Variants in KCNIP4 observed in about 807,000 individuals in gnomAD.
KCNIP4 encodes potassium voltage-gated channel interacting protein 4, also known as Kv channel-interacting protein 4.
KCNIP4 carries 12 observed loss-of-function variants against 34.0 expected under a neutral mutation model. That is an observed-to-expected ratio of 0.35 (90% CI 0.23 to 0.57). KCNIP4 has a LOEUF of 0.57. Ranked by LOEUF, KCNIP4 falls within the 20% of genes least tolerant of loss-of-function variation. The probability of loss-of-function intolerance (pLI) is 0.83; values close to 1 mark genes in which losing one functional copy is unlikely to be tolerated. For missense variants in KCNIP4, 238 were observed against 311.7 expected, an observed-to-expected ratio of 0.76 and a Z score of 1.78; for synonymous variants, 124 against 102.2, an observed-to-expected ratio of 1.21 and a Z score of -1.29.
At chr4:20,798,480 T>G (rs1713773601) in intron 3 of KCNIP4, among the ~76,000 whole-genome samples, 1 of 151,752 alleles carries the variant, frequency 6.6e-6, no homozygotes, top group Non-Finnish European at 1.5e-5. Context: ...TAGAAGCTCC[T>G]AGCATCCTTC....
chr4:21,704,780 T>C (rs945906752), intron 1 of KCNIP4, among the ~76,000 whole-genome samples: 1 of 152,150 alleles, frequency 6.6e-6, no homozygotes, highest in African/African-American at 2.4e-5. Flanking sequence ...TGTAAAATGT[T>C]ACATTCACTC....
rs567011406 is a variant in KCNIP4, at chr4:21,316,692, G to T, written c.62-433983C>A. Reference sequence around the variant, plus strand: ...GTACAGAAGCTTAACCAGCAAAATAGCTAGCTAGTTGAACTGGAAAATCCA... The same window carrying T: ...GTACAGAAGCTTAACCAGCAAAATATCTAGCTAGTTGAACTGGAAAATCCA... On this transcript the variant is annotated intron_variant, in intron 1 of 8. Transcript: ENST00000382152. 2.6e-5 allele frequency among the ~76,000 whole-genome samples: 4 copies of T among 152,306 alleles called. No homozygotes were observed. In the South Asian group the frequency reaches 8.3e-4, roughly 32 times the overall value.
Position 21,691,979 on chromosome 4 carries a change from T to C in KCNIP4, c.61+256592A>G, listed in dbSNP as rs567873940. 3.2e-3 allele frequency among the ~76,000 whole-genome samples: 487 copies of C among 152,242 alleles called. 6 individuals are homozygous for C. The highest frequency in any genetic ancestry group is 0.011 in the African/African-American group (455 of 41,536). On this transcript the variant is annotated intron_variant, in intron 1 of 8. Coordinates refer to ENST00000382152, the MANE Select transcript of KCNIP4 (RefSeq NM_025221.6). ...TCCCAAAGTGCCGGGATTACAGGCG[T>C]GATCCACCGCACCAGGCCAAATGCA...
At chr4:21,185,340 C>T (rs1755134646) in intron 1 of KCNIP4, among the ~76,000 whole-genome samples, 1 of 151,684 alleles carries the variant, frequency 6.6e-6, no homozygotes, top group South Asian at 2.1e-4. Context: ...GAGTTTTCTT[C>T]CCCTCCTTTT....
intron 1 of KCNIP4, among the ~76,000 whole-genome samples, chr4:21,798,651 A>T (rs1444038159): frequency 6.6e-6 from 1 of 151,830 alleles, no homozygotes; most frequent in African/African-American, 2.4e-5. Flanking sequence ...TGAGAAAAAA[A>T]TAAGCTGTTA....
intron 3 of KCNIP4, among the ~76,000 whole-genome samples, chr4:20,845,245 A>T (rs1269688748): frequency 1.3e-5 from 2 of 152,144 alleles, no homozygotes; most frequent in Non-Finnish European, 2.9e-5. Flanking sequence ...AAAGTCTGGG[A>T]CAACAGGAAA....
intron 1 of KCNIP4, among the ~76,000 whole-genome samples, chr4:21,932,323 T>C (rs1474855447): frequency 2.0e-5 from 3 of 152,048 alleles, no homozygotes; most frequent in Non-Finnish European, 2.9e-5. Context: ...GTCTGATCCA[T>C]GAAGAAAAGT....
chr4:21,598,905 T>C (rs1369756019), intron 1 of KCNIP4, among the ~76,000 whole-genome samples: 1 of 152,038 alleles, frequency 6.6e-6, no homozygotes, highest in Non-Finnish European at 1.5e-5. Context: ...AGAGCCACAT[T>C]ATGACTCCTG....
chr4:21,376,222 C>A (rs565376816), intron 1 of KCNIP4, among the ~76,000 whole-genome samples: 17 of 152,252 alleles, frequency 1.1e-4, no homozygotes, highest in African/African-American at 3.4e-4. Context: ...ATAACACTTG[C>A]AAAATTTTGT....
intron 1 of KCNIP4, among the ~76,000 whole-genome samples, chr4:21,384,787 T>A (rs1721866322): frequency 6.6e-6 from 1 of 152,174 alleles, no homozygotes; most frequent in Non-Finnish European, 1.5e-5. Flanking sequence ...CACATCTACA[T>A]CACATAGAGA....
chr4:21,829,481 A>G (rs958658721), intron 1 of KCNIP4, among the ~76,000 whole-genome samples: 5 of 151,136 alleles, frequency 3.3e-5, no homozygotes, highest in Non-Finnish European at 5.9e-5. Context: ...TAGATTTTCC[A>G]AAAAAGTAGA....
At chr4:21,679,085 C>T (rs1560620626) in intron 1 of KCNIP4, among the ~76,000 whole-genome samples, 1 of 152,132 alleles carries the variant, frequency 6.6e-6, no homozygotes, top group African/African-American at 2.4e-5. Flanking sequence ...AGAAAAAAAT[C>T]CAACCTGCTC....
chr4:20,949,848 G>C (rs1296564455), intron 1 of KCNIP4, among the ~76,000 whole-genome samples: 1 of 132,914 alleles, frequency 7.5e-6, no homozygotes, highest in East Asian at 2.4e-4. Context: ...TCACACTCTG[G>C]GGACGGTTGG....
At chr4:21,150,593 T>C (rs561994474) in intron 1 of KCNIP4, among the ~76,000 whole-genome samples, 56 of 152,322 alleles carry the variant, frequency 3.7e-4, no homozygotes, top group African/African-American at 1.3e-3. Flanking sequence ...TTTATAAGCA[T>C]AAAGGGAGCA....
chr4:21,671,589 T>C lies in KCNIP4; in HGVS notation c.61+276982A>G, dbSNP rs555463698. On this transcript the variant is annotated intron_variant, in intron 1 of 8. Transcript: ENST00000382152. Reference sequence around the variant, plus strand: ...CATTTCAACTGTCATCAGAATCCAGTTTTTCTCTTGGCTATATACTTCATC... The same window carrying C: ...CATTTCAACTGTCATCAGAATCCAGCTTTTCTCTTGGCTATATACTTCATC... Among the ~76,000 whole-genome samples, 22 of 152,260 alleles carry C rather than the reference T, an allele frequency of 1.4e-4. No homozygotes were observed. In the South Asian group the frequency reaches 4.6e-3, roughly 32 times the overall value.
intron 1 of KCNIP4, among the ~76,000 whole-genome samples, chr4:21,708,356 T>G (rs558673744): frequency 3.9e-5 from 6 of 152,232 alleles, no homozygotes; most frequent in African/African-American, 1.2e-4. Context: ...GAATGCCTGT[T>G]TAAAATGCAG....
intron 1 of KCNIP4, among the ~76,000 whole-genome samples, chr4:21,446,578 G>T (rs1323682636): frequency 1.5e-5 from 2 of 135,056 alleles, no homozygotes; most frequent in Admixed American, 1.8e-4. Flanking sequence ...TGAACAATGA[G>T]AACACTTGGA....
At chr4:21,828,345 A>G (rs1306045156) in intron 1 of KCNIP4, among the ~76,000 whole-genome samples, 1 of 151,810 alleles carries the variant, frequency 6.6e-6, no homozygotes, top group Non-Finnish European at 1.5e-5. Flanking sequence ...AATATGAAAA[A>G]CTTAAGATAT....
At chr4:21,662,476 G>A (rs150909539) in intron 1 of KCNIP4, among the ~76,000 whole-genome samples, 6 of 152,258 alleles carry the variant, frequency 3.9e-5, no homozygotes, top group African/African-American at 1.4e-4. Context: ...AAACAGCATT[G>A]GAAATGCATA....
Sources: allele counts gnomAD v4.1 joint callset (sites outside exome capture counted in the v4.1 genomes callset), GRCh38; gene constraint gnomAD v4.1.1; transcripts MANE v1.5; gene names NCBI Gene and HGNC (gene_info 2026-07-23, HGNC 2026-07-21).